The following PLA2G15 variants were observed in gnomAD, a reference collection of about 807,000 sequenced individuals.
PLA2G15 encodes the protein lysosomal phospholipase A and acyltransferase.
Under a neutral mutation model 40.9 loss-of-function variants are expected in PLA2G15, and 20 were observed. The ratio of observed to expected loss-of-function variants is 0.49; its 90% confidence interval spans 0.34 to 0.71. PLA2G15 has a LOEUF of 0.71. Among genes scored for constraint, PLA2G15 ranks in the 30% least tolerant of loss-of-function variants. The pLI is 0.01. For synonymous variants in PLA2G15, 223 were observed against 228.2 expected, an observed-to-expected ratio of 0.98 and a Z score of 0.21; for missense variants, 471 against 541.9, an observed-to-expected ratio of 0.87 and a Z score of 1.30.
intron 1 of PLA2G15, among the ~76,000 whole-genome samples, chr16:68,247,996 A>T (rs1047425575): frequency 6.6e-6 from 1 of 152,138 alleles, no homozygotes; most frequent in African/African-American, 2.4e-5. Context: ...ACTGAATAGG[A>T]TGGCTGGGAT....
At chr16:68,247,539 G>T (rs2042319234) in intron 1 of PLA2G15, among the ~76,000 whole-genome samples, 1 of 152,214 alleles carries the variant, frequency 6.6e-6, no homozygotes, top group African/African-American at 2.4e-5. Flanking sequence ...AGCAGATCTG[G>T]TGACTTCCTC....
At chr16:68,249,978 C>T (rs996229739) in intron 2 of PLA2G15, among the ~76,000 whole-genome samples, 2 of 152,138 alleles carry the variant, frequency 1.3e-5, no homozygotes, top group Non-Finnish European at 2.9e-5. Flanking sequence ...CTACGCCTGC[C>T]TACACAAAAT....
intron 2 of PLA2G15, among the ~76,000 whole-genome samples, chr16:68,251,960 C>T (rs924092118): frequency 6.6e-6 from 1 of 151,944 alleles, no homozygotes; most frequent in African/African-American, 2.4e-5. Context: ...ATGACTCCTT[C>T]CTCCTCTGTG....
rs759236774 is a variant in PLA2G15 at position 68,256,010 on chromosome 16, A to G, written c.727+20A>G. 21 of 1,513,424 alleles carry G rather than the reference A, an allele frequency of 1.4e-5. No individual in the cohort carries two copies. In the African/African-American group the frequency reaches 2.7e-4, roughly 20 times the overall value. 93.7% of individuals were successfully genotyped at this position (1,513,424 alleles called of 1,614,324 possible). A position where few individuals can be genotyped will look rare whatever the true frequency, so the allele number is the denominator to read the frequency against. ...CTTCAGGTAAGACCCTACCTGGCCCAGCGTGGGGGGCTGTTGCCAGGAATT... is the reference window on the plus strand; with the variant it reads ...CTTCAGGTAAGACCCTACCTGGCCCGGCGTGGGGGGCTGTTGCCAGGAATT... On this transcript the variant is annotated intron_variant, in intron 5 of 5. Coordinates refer to ENST00000219345, the MANE Select transcript of PLA2G15 (RefSeq NM_012320.4).
chr16:68,250,019 G>A (rs753508862), intron 2 of PLA2G15, among the ~76,000 whole-genome samples: 1 of 151,674 alleles, frequency 6.6e-6, no homozygotes, highest in Non-Finnish European at 1.5e-5. Context: ...TCAGAGCCTC[G>A]GCATGGCCCC....
intron 2 of PLA2G15, chr16:68,252,578 G>T (rs1415470538): frequency 8.8e-6 from 4 of 455,888 alleles, no homozygotes; most frequent in Middle Eastern, 3.2e-4. Context: ...GGTCTGTCCT[G>T]TCTGGTTCTG....
chr16:68,245,461 T>A lies in PLA2G15; in HGVS notation c.35T>A (p.Leu12Gln), dbSNP rs1846942279. 3 of 1,606,192 alleles carry A rather than the reference T, an allele frequency of 1.9e-6. No individual in the cohort carries two copies. The South Asian group carries it at 3.3e-5, about 18-fold the overall frequency. The stretch of plus-strand genomic sequence containing the variant: ...CACCTCCGCCCCTACCGTGTGGGGC[T>A]GCTCCCGGATGGCCTCCTGTTCCTC... ...GLHLRPYRVGLLPDGLLFLLL... is the reference protein window; with the variant it reads ...GLHLRPYRVGQLPDGLLFLLL... The change falls in exon 1 of 6, where the codon CTG becomes CAG. Residue 12 changes from leucine (L) to glutamine (Q), a missense_variant. Coordinates refer to ENST00000219345, the MANE Select transcript of PLA2G15 (RefSeq NM_012320.4).
intron 1 of PLA2G15, among the ~76,000 whole-genome samples, chr16:68,246,640 A>G (rs2042311671): frequency 6.6e-6 from 1 of 152,186 alleles, no homozygotes; most frequent in Non-Finnish European, 1.5e-5. Context: ...CTGCCTCCCC[A>G]AAGCTTGCAG....
Position 68,255,903 on chromosome 16 carries a change from G to T in PLA2G15, c.640G>T (p.Ala214Ser), listed in dbSNP as rs762939782. 5 of 1,613,722 alleles carry T rather than the reference G, an allele frequency of 3.1e-6. No homozygotes were observed. In the African/African-American group the frequency reaches 5.3e-5, roughly 17 times the overall value. Reference sequence around the variant, plus strand: ...CTACTTTCTGCAGCGGCAGCCGCAGGCCTGGAAGGACAAGTATATCCGGGC... The same window carrying T: ...CTACTTTCTGCAGCGGCAGCCGCAGTCCTGGAAGGACAAGTATATCCGGGC... ...TLYFLQRQPQ[A>S]WKDKYIRAFV... The change falls in exon 5 of 6, where the codon GCC (alanine) becomes TCC (serine). Residue 214 changes from alanine to serine, a missense_variant. Physicochemically the swap from Ala to Ser is moderately conservative, Grantham distance 99. Transcript: ENST00000219345. The surrounding 1 kb of genome is among the most constrained non-coding windows in gnomAD (Gnocchi z 5.9).
At chr16:68,250,563 A>G (rs1465887565) in intron 2 of PLA2G15, among the ~76,000 whole-genome samples, 1 of 151,876 alleles carries the variant, frequency 6.6e-6, no homozygotes, top group Non-Finnish European at 1.5e-5. Flanking sequence ...GAGCCACCAC[A>G]CCCAGCCCCA....
intron 2 of PLA2G15, chr16:68,250,419 C>T (rs138183116): frequency 0.038 from 8,161 of 214,566 alleles, 190 homozygotes; most frequent in Middle Eastern, 0.13. Flanking sequence ...CACAGGCGCC[C>T]GCCACAGTGC....
chr16:68,253,282 CCAT>C, intron 2 of PLA2G15: 1 of 329,778 alleles, frequency 3.0e-6, no homozygotes, highest in South Asian at 2.2e-5. Context: ...CCACCAGCTC[CCAT>C]CATTTCTCTG....
chr16:68,246,670 C>A (rs1324457245), intron 1 of PLA2G15, among the ~76,000 whole-genome samples: 1 of 152,076 alleles, frequency 6.6e-6, no homozygotes, highest in African/African-American at 2.4e-5. Context: ...AACAGTGATC[C>A]CCAGAGAGGA....
intron 1 of PLA2G15, among the ~76,000 whole-genome samples, chr16:68,246,052 A>G (rs2042306192): frequency 6.6e-6 from 1 of 152,204 alleles, no homozygotes; most frequent in Admixed American, 6.5e-5. Flanking sequence ...GCTGGCCACC[A>G]ACTCCCACAA....
Position 68,245,432 on chromosome 16 carries a change from C to T in PLA2G15, c.6C>T (p.Gly2=). The T allele has an allele frequency of 1.2e-6, 2 of 1,604,248 alleles. No homozygotes were observed. The highest frequency in any genetic ancestry group is 1.7e-6 in the Non-Finnish European group (2 of 1,179,738). The change falls in exon 1 of 6, where the codon GGC becomes GGT. Residue 2 remains glycine (G), a synonymous_variant. Transcript: ENST00000219345. ...TGCGGCGACCGTCGTACACCATGGGCCTCCACCTCCGCCCCTACCGTGTGG... is the reference window on the plus strand; with the variant it reads ...TGCGGCGACCGTCGTACACCATGGGTCTCCACCTCCGCCCCTACCGTGTGG... M[G]LHLRPYRVGL... is the part of the protein sequence containing the mutation.
chr16:68,260,092 C>A lies in PLA2G15; in HGVS notation c.*435C>A. On this transcript the variant is annotated 3_prime_UTR_variant, in exon 6 of 6. Coordinates refer to ENST00000219345, the MANE Select transcript of PLA2G15 (RefSeq NM_012320.4). ...TACCCAGAGGTCCCAGGGATCGGCT[C>A]CTGGCCCCTCGGGTGACCCTTCCCA... 5.7e-6 allele frequency: 1 copy of A among 176,466 alleles called. No individual in the cohort carries two copies. The allele number at this position is 176,466 out of a possible 1,614,324, so 10.9% of individuals were successfully genotyped here.
rs370126194 is a variant in PLA2G15, at chr16:68,255,247, G to A, written c.404-35G>A. On this transcript the variant is annotated intron_variant, in intron 3 of 5. Coordinates refer to ENST00000219345, the MANE Select transcript of PLA2G15 (RefSeq NM_012320.4). This position sits in a 1 kb window ranked among gnomAD's most constrained non-coding sequence, Gnocchi z 5.9. ...ATAGTGTAGGTGGCCGGCACTAGCT[G>A]TATCTTTTCTTATCCTCTGTATTTC... is the stretch of plus-strand genomic sequence containing the variant. 5.2e-5 allele frequency: 78 copies of A among 1,498,622 alleles called. No individual in the cohort carries two copies. Among genetic ancestry groups the A allele is most frequent in the Non-Finnish European group, 6.6e-5 (71 of 1,076,222 alleles). 92.8% of individuals were successfully genotyped at this position (1,498,622 alleles called of 1,614,324 possible). A position where few individuals can be genotyped will look rare whatever the true frequency, so the allele number is the denominator to read the frequency against.
At chr16:68,253,691 GTTTTTT>G (rs58831503) in intron 2 of PLA2G15, among the ~76,000 whole-genome samples, 2 of 124,926 alleles carry the variant, frequency 1.6e-5, no homozygotes, top group African/African-American at 6.1e-5. Context: ...GTTTTGTTTT[GTTTTTT>G]TTTTTTTTTT....
Position 68,259,368 on chromosome 16 carries a change from T to C in PLA2G15, c.950T>C (p.Leu317Pro). The C allele has an allele frequency of 6.2e-7, 1 of 1,614,012 alleles. No individual in the cohort carries two copies. The highest frequency in any genetic ancestry group is 1.7e-5 in the Admixed American group (1 of 60,028). The change falls in exon 6 of 6, where the codon CTG becomes CCG. Residue 317 changes from leucine to proline, a missense_variant. Transcript: ENST00000219345. The surrounding 1 kb of genome is among the most constrained non-coding windows in gnomAD (Gnocchi z 6.5). ...CTCATGCGGCAGGACACAGAAGGGC[T>C]GGTGGAAGCCACGATGCCACCTGGC... The part of the protein sequence containing the change: ...GWLMRQDTEG[L>P]VEATMPPGVQ...
Sources: allele counts gnomAD v4.1 joint callset (sites outside exome capture counted in the v4.1 genomes callset), GRCh38; gene constraint gnomAD v4.1.1; non-coding constraint Gnocchi (gnomAD v3.1); transcripts MANE v1.5; gene names NCBI Gene and HGNC (gene_info 2026-07-23, HGNC 2026-07-21).